The following CUX1 variants were observed in gnomAD, a reference collection of about 807,000 sequenced individuals.
The protein encoded by CUX1 is cut like homeobox 1, also known as protein CASP.
A neutral mutation model predicts 158.8 loss-of-function variants in CUX1; 31 were observed. That is an observed-to-expected ratio of 0.20 (90% confidence interval 0.15 to 0.26). The LOEUF (loss-of-function observed/expected upper bound fraction) is 0.26. Among genes scored for constraint, CUX1 ranks in the 10% least tolerant of loss-of-function variants. The pLI, the probability that CUX1 is intolerant of heterozygous loss-of-function variation, is 1.00. For synonymous variants in CUX1, 879 were observed against 862.1 expected, an observed-to-expected ratio of 1.02 and a Z score of -0.34; for missense variants, 1,589 against 2,014.6, an observed-to-expected ratio of 0.79 and a Z score of 4.04.
chr7:101,959,943 A>G (rs1810267821), intron 2 of CUX1, among the ~76,000 whole-genome samples: 1 of 152,218 alleles, frequency 6.6e-6, no homozygotes. Flanking sequence ...TCTTGAAAAG[A>G]ACAGGTTTGC....
chr7:101,847,290 A>G (rs1306367791), intron 1 of CUX1, among the ~76,000 whole-genome samples: 5 of 152,190 alleles, frequency 3.3e-5, no homozygotes, highest in Admixed American at 1.3e-4. Flanking sequence ...TGCTGGATTC[A>G]TGATATATTG....
chr7:101,857,323 A>G (rs888071891), intron 1 of CUX1, among the ~76,000 whole-genome samples: 3 of 152,274 alleles, frequency 2.0e-5, no homozygotes, highest in Non-Finnish European at 4.4e-5. Flanking sequence ...ATAAAAAGAA[A>G]TAACTATTTT....
chr7:102,132,223 T>C (rs1833334996), intron 8 of CUX1, among the ~76,000 whole-genome samples: 1 of 150,828 alleles, frequency 6.6e-6, no homozygotes, highest in African/African-American at 2.4e-5. Context: ...GATGGATGGA[T>C]GGACAGACGG....
intron 4 of CUX1, among the ~76,000 whole-genome samples, chr7:102,086,694 C>CT (rs1208605206): frequency 6.6e-6 from 1 of 152,032 alleles, no homozygotes; most frequent in African/African-American, 2.4e-5. Flanking sequence ...ACTGCAACCT[C>CT]TGCCTCCCGG....
At chr7:102,044,860 G>A (rs1822553191) in intron 3 of CUX1, among the ~76,000 whole-genome samples, 1 of 152,166 alleles carries the variant, frequency 6.6e-6, no homozygotes, top group Non-Finnish European at 1.5e-5. Context: ...TCTGGGGACA[G>A]GATGATGCGT....
At chr7:101,832,515 C>G (rs1450546788) in intron 1 of CUX1, among the ~76,000 whole-genome samples, 1 of 152,184 alleles carries the variant, frequency 6.6e-6, no homozygotes, top group Non-Finnish European at 1.5e-5. Flanking sequence ...GTTTATCAAA[C>G]ACAAGTGGGG....
At chr7:101,822,960 C>G (rs1457462085) in intron 1 of CUX1, among the ~76,000 whole-genome samples, 1 of 151,588 alleles carries the variant, frequency 6.6e-6, no homozygotes, top group Non-Finnish European at 1.5e-5. Context: ...AAGAACCTTC[C>G]CTTTAAAAAG....
At chr7:102,044,263 C>G (rs987386936) in intron 3 of CUX1, among the ~76,000 whole-genome samples, 8 of 152,124 alleles carry the variant, frequency 5.3e-5, no homozygotes, top group Non-Finnish European at 2.9e-5. Flanking sequence ...CATCTTGGCT[C>G]ACTGCAACCT....
intron 3 of CUX1, among the ~76,000 whole-genome samples, chr7:102,054,341 G>A (rs369584355): frequency 6.6e-6 from 1 of 152,188 alleles, no homozygotes; most frequent in African/African-American, 2.4e-5. Flanking sequence ...TGCATATGGT[G>A]TGAGGTAGGG....
At chr7:101,972,536 G>A (rs141064158) in intron 2 of CUX1, among the ~76,000 whole-genome samples, 2 of 152,336 alleles carry the variant, frequency 1.3e-5, no homozygotes, top group African/African-American at 2.4e-5. Context: ...CCAGGAGCAC[G>A]GAGGACCTGG....
intron 20 of CUX1, among the ~76,000 whole-genome samples, chr7:102,207,869 G>A (rs538498176): frequency 7.2e-5 from 11 of 152,140 alleles, no homozygotes; most frequent in South Asian, 6.2e-4. Context: ...GGTTTTCCTC[G>A]TCTGAATCTT....
chr7:102,271,724 T>G (rs782145190), intron 14 of CUX1, among the ~76,000 whole-genome samples: 1 of 152,220 alleles, frequency 6.6e-6, no homozygotes, highest in Non-Finnish European at 1.5e-5. Context: ...TCAGTGAATG[T>G]CTGAAGGAAG....
At chr7:101,993,589 C>T (rs989055265) in intron 2 of CUX1, among the ~76,000 whole-genome samples, 1 of 152,116 alleles carries the variant, frequency 6.6e-6, no homozygotes, top group Non-Finnish European at 1.5e-5. Context: ...GCTATTTTTT[C>T]ATTCATTCAT....
chr7:102,115,465 CT>C, intron 8 of CUX1, 192 bp downstream of exon 8: 2 of 501,940 alleles, frequency 4.0e-6, no homozygotes, highest in Non-Finnish European at 6.9e-6. Context: ...AACTTCTTTC[CT>C]TCTTTATTGT....
chr7:101,983,914 A>G (rs1039584432), intron 2 of CUX1, among the ~76,000 whole-genome samples: 3 of 150,794 alleles, frequency 2.0e-5, no homozygotes, highest in Non-Finnish European at 4.4e-5. Flanking sequence ...TGTACCTGTA[A>G]TCTCAGTTAC....
At chr7:102,107,799 C>A (rs1459220880) in intron 6 of CUX1, among the ~76,000 whole-genome samples, 1 of 152,218 alleles carries the variant, frequency 6.6e-6, no homozygotes, top group Non-Finnish European at 1.5e-5. Context: ...TCTCTGCAGC[C>A]CTTGCCTCCC....
At chr7:102,229,520 C>A (rs1436900930) in intron 21 of CUX1, among the ~76,000 whole-genome samples, 4 of 151,014 alleles carry the variant, frequency 2.6e-5, no homozygotes, top group African/African-American at 7.3e-5. Context: ...CCACGTTGGC[C>A]AGGATGGTCT....
intron 8 of CUX1, among the ~76,000 whole-genome samples, chr7:102,124,775 A>G (rs1403438841): frequency 6.6e-6 from 1 of 151,690 alleles, no homozygotes. Flanking sequence ...AAAATTGGTT[A>G]GTAGAAATTT....
intron 1 of CUX1, among the ~76,000 whole-genome samples, chr7:101,893,499 GT>G (rs1801125097): frequency 1.3e-5 from 2 of 152,120 alleles, no homozygotes; most frequent in Non-Finnish European, 2.9e-5. Context: ...TAAGAAGCGC[GT>G]TTGGGGCACG....
Sources: allele counts gnomAD v4.1 joint callset (sites outside exome capture counted in the v4.1 genomes callset), GRCh38; gene constraint gnomAD v4.1.1; transcripts MANE v1.5; gene names NCBI Gene and HGNC (gene_info 2026-07-23, HGNC 2026-07-21).